The following ADAMTS17 variants were observed in gnomAD, a reference collection of about 807,000 sequenced individuals.
ADAMTS17 encodes A disintegrin and metalloproteinase with thrombospondin motifs 17.
A neutral mutation model predicts 141.5 loss-of-function variants in ADAMTS17; 113 were observed. The ratio of observed to expected loss-of-function variants is 0.80; its 90% confidence interval spans 0.69 to 0.93. ADAMTS17 has a LOEUF of 0.93. Among genes scored for constraint, ADAMTS17 ranks in the 40% least tolerant of loss-of-function variants. ADAMTS17 has a pLI of 0.00. For synonymous variants in ADAMTS17, 768 were observed against 630.6 expected, an observed-to-expected ratio of 1.22 and a Z score of -3.27; for missense variants, 1,659 against 1,517.9, an observed-to-expected ratio of 1.09 and a Z score of -1.54.
chr15:100,159,655 C>T lies in ADAMTS17; in HGVS notation c.1182-4335G>A, dbSNP rs541664765. On this transcript the variant is annotated intron_variant, in intron 8 of 21. Transcript: ENST00000268070. ...CTGCCACCTCATGGTGTAACCATTG[C>T]ATGTGGACCAGGTCAAATTGCTATC... is the stretch of plus-strand genomic sequence containing the variant. 1.3e-5 allele frequency among the ~76,000 whole-genome samples: 2 copies of T among 152,338 alleles called. 1 individual carries two copies. Among genetic ancestry groups the T allele is most frequent in the African/African-American group, 4.8e-5 (2 of 41,584 alleles).
chr15:99,982,173 T>G (rs1163731320), intron 20 of ADAMTS17, among the ~76,000 whole-genome samples: 3 of 152,202 alleles, frequency 2.0e-5, no homozygotes, highest in Admixed American at 1.3e-4. Flanking sequence ...AGAGTGGAGC[T>G]CCACAAATCC....
rs200960936 is a variant in ADAMTS17, at chr15:100,132,007, G to C, written c.1721C>G (p.Pro574Arg). The part of the protein sequence containing the change: ...RFRQRKCDNP[P>R]PGPGGTHCPG... The stretch of plus-strand genomic sequence containing the variant: ...GGGTATGGCTGGTCAGGGGACTTAC[G>C]GGGGGTTGTCACATTTCCTCTGCCT... The change falls in exon 12 of 22, where the codon CCC (proline) becomes CGC (arginine). Residue 574 changes from proline (P) to arginine (R), a missense_variant and splice_region_variant. Physicochemically the swap from Pro to Arg is moderately radical, Grantham distance 103. Transcript: ENST00000268070. 12 of 1,614,172 alleles carry C rather than the reference G, an allele frequency of 7.4e-6. No homozygotes were observed. Among genetic ancestry groups the C allele is most frequent in the Admixed American group, 1.7e-5 (1 of 60,032 alleles).
chr15:99,978,162 C>A (rs1030235968), intron 20 of ADAMTS17, among the ~76,000 whole-genome samples: 4 of 152,184 alleles, frequency 2.6e-5, no homozygotes, highest in African/African-American at 4.8e-5. Context: ...GGGGGTCATG[C>A]GGAGTCTCCA....
At chr15:100,188,992 G>T (rs979039731) in intron 8 of ADAMTS17, among the ~76,000 whole-genome samples, 1 of 152,234 alleles carries the variant, frequency 6.6e-6, no homozygotes, top group Non-Finnish European at 1.5e-5. Context: ...ACTGAGGAAT[G>T]AGTTAAACCA....
chr15:100,034,530 C>A (rs375051450), intron 18 of ADAMTS17, among the ~76,000 whole-genome samples: 1 of 152,236 alleles, frequency 6.6e-6, no homozygotes, highest in South Asian at 2.1e-4. Context: ...TGAGCCCCTG[C>A]AGAAAGGGGA....
intron 8 of ADAMTS17, among the ~76,000 whole-genome samples, chr15:100,194,148 C>A (rs1273172991): frequency 2.0e-5 from 3 of 152,234 alleles, no homozygotes; most frequent in African/African-American, 7.2e-5. Context: ...AGACTCCCTC[C>A]CTTCCACTGT....
At chr15:100,089,325 A>T (rs1223287503) in intron 15 of ADAMTS17, among the ~76,000 whole-genome samples, 1 of 132,890 alleles carries the variant, frequency 7.5e-6, no homozygotes, top group African/African-American at 3.4e-5. Flanking sequence ...TCATTAAGTC[A>T]GGAAACAACA....
In ADAMTS17 at chr15:100,261,592, G is replaced by A. The variant is rs777275584; in HGVS notation, c.918C>T (p.Ser306=). The A allele has an allele frequency of 3.1e-6, 5 of 1,614,120 alleles. No individual in the cohort carries two copies. The South Asian group carries it at 4.4e-5, about 14-fold the overall frequency. ...ACTCCTCGTTCTGCCAGTGACAGAA[G>A]CTCTCCAGGGACCGCTCACCATGGT... is the stretch of plus-strand genomic sequence containing the variant. ...IGHHGERSLE[S]FCHWQNEEYG... The change falls in exon 6 of 22, where the codon AGC becomes AGT. Residue 306 remains serine (S), a synonymous_variant. Transcript: ENST00000268070.
At chr15:100,041,084 C>T (rs186786479) in intron 18 of ADAMTS17, among the ~76,000 whole-genome samples, 184 of 152,266 alleles carry the variant, frequency 1.2e-3, no homozygotes, top group Non-Finnish European at 1.0e-3. Flanking sequence ...TACATGCACG[C>T]GTGCACACAC....
intron 18 of ADAMTS17, among the ~76,000 whole-genome samples, chr15:100,027,222 ATTAT>A (rs1169579125): frequency 6.6e-6 from 1 of 152,164 alleles, no homozygotes; most frequent in Non-Finnish European, 1.5e-5. Flanking sequence ...GACAAATGTT[ATTAT>A]TTGATTTTCC....
intron 3 of ADAMTS17, among the ~76,000 whole-genome samples, chr15:100,289,466 C>G (rs2044555261): frequency 6.6e-6 from 1 of 152,038 alleles, no homozygotes; most frequent in Non-Finnish European, 1.5e-5. Context: ...GGAGGAGGGA[C>G]TCCTCCCTAA....
At chr15:100,248,908 C>G (rs1205718830) in intron 7 of ADAMTS17, among the ~76,000 whole-genome samples, 1 of 151,688 alleles carries the variant, frequency 6.6e-6, no homozygotes, top group Non-Finnish European at 1.5e-5. Context: ...TAATGATTGT[C>G]CTGTCGCAGC....
intron 6 of ADAMTS17, among the ~76,000 whole-genome samples, chr15:100,254,490 A>G (rs1178930914): frequency 6.6e-6 from 1 of 152,186 alleles, no homozygotes; most frequent in Non-Finnish European, 1.5e-5. Context: ...CTGATCCGAG[A>G]CAATTCTCAG....
intron 13 of ADAMTS17, among the ~76,000 whole-genome samples, chr15:100,110,941 T>C (rs554566999): frequency 2.0e-5 from 3 of 152,350 alleles, no homozygotes; most frequent in African/African-American, 7.2e-5. Context: ...CCAGGCCTCC[T>C]GTCCCACGAA....
At chr15:100,091,934 T>C (rs2035494846) in intron 15 of ADAMTS17, among the ~76,000 whole-genome samples, 1 of 152,206 alleles carries the variant, frequency 6.6e-6, no homozygotes, top group Non-Finnish European at 1.5e-5. Flanking sequence ...AACTCATTGT[T>C]TGGGAAACCC....
intron 21 of ADAMTS17, among the ~76,000 whole-genome samples, chr15:99,975,446 G>T (rs1033510436): frequency 9.9e-5 from 15 of 152,090 alleles, no homozygotes; most frequent in African/African-American, 3.4e-4. Context: ...CTGACCTCAG[G>T]TGATCCACCC....
intron 15 of ADAMTS17, among the ~76,000 whole-genome samples, chr15:100,067,815 C>T (rs569195294): frequency 6.6e-6 from 1 of 152,254 alleles, no homozygotes; most frequent in South Asian, 2.1e-4. Context: ...GTCTACAGCT[C>T]CCAGTGTGAG....
chr15:100,262,790 A>G (rs926145744), intron 4 of ADAMTS17, among the ~76,000 whole-genome samples: 2 of 151,644 alleles, frequency 1.3e-5, no homozygotes, highest in Admixed American at 1.3e-4. Context: ...ACTAAAAAAA[A>G]AAAAAAACAA....
chr15:100,006,875 A>G (rs921079631), intron 18 of ADAMTS17, among the ~76,000 whole-genome samples: 1 of 152,248 alleles, frequency 6.6e-6, no homozygotes, highest in Non-Finnish European at 1.5e-5. Context: ...ATGGCAGCAT[A>G]AAAAGGGTGG....
Sources: gnomAD v4.1 joint callset for allele counts (sites outside exome capture counted in the v4.1 genomes callset) on GRCh38, gnomAD v4.1.1 for gene constraint, MANE v1.5 for transcripts, NCBI Gene and HGNC (gene_info 2026-07-23, HGNC 2026-07-21) for gene names.